The following HEPH variants were observed in gnomAD, a reference collection of about 807,000 sequenced individuals.
HEPH encodes the protein hephaestin.
In HEPH, 69 loss-of-function variants were observed where a neutral mutation model predicts 80.8. That is an observed-to-expected ratio of 0.85 (90% CI 0.70 to 1.04). The LOEUF is 1.04. HEPH is among the 50% of genes least tolerant of loss of function. The pLI, the probability that HEPH is intolerant of heterozygous loss-of-function variation, is 0.00. For synonymous variants in HEPH, 431 were observed against 322.8 expected, an observed-to-expected ratio of 1.34 and a Z score of -3.60; for missense variants, 1,115 against 891.3, an observed-to-expected ratio of 1.25 and a Z score of -3.20.
intron 15 of HEPH, among the ~76,000 whole-genome samples, chrX:66,220,773 G>A (rs931106201): frequency 1.8e-5 from 2 of 110,756 alleles, no homozygotes; most frequent in African/African-American, 6.6e-5. Flanking sequence ...TCATTTATGA[G>A]CCCCCACCAG....
chrX:66,168,479 C>T (rs1164755955), intron 1 of HEPH, among the ~76,000 whole-genome samples: 1 of 111,652 alleles, frequency 9.0e-6, no homozygotes, highest in Admixed American at 9.5e-5. Flanking sequence ...CAAGGCTACA[C>T]AGCTGGTCAG....
At chrX:66,237,756 A>G (rs1469543464) in intron 15 of HEPH, among the ~76,000 whole-genome samples, 1 of 112,163 alleles carries the variant, frequency 8.9e-6, no homozygotes, top group Non-Finnish European at 1.9e-5. Context: ...TGGGAGTCTA[A>G]AAGTATCTTT....
chrX:66,244,609 T>G (rs1323380146), intron 15 of HEPH, among the ~76,000 whole-genome samples: 1 of 111,830 alleles, frequency 8.9e-6, no homozygotes, highest in Admixed American at 9.6e-5. Flanking sequence ...TTCTCCTGAA[T>G]GTTGATCTTC....
At chrX:66,165,317 C>A (rs895436394) in intron 1 of HEPH, among the ~76,000 whole-genome samples, 4 of 111,697 alleles carry the variant, frequency 3.6e-5, no homozygotes, top group African/African-American at 1.3e-4. Flanking sequence ...GAATCAAGGT[C>A]TTTAACTTCA....
chrX:66,170,753 TGTG>T lies in HEPH; in HGVS notation c.167+19_167+21del. 8.4e-7 allele frequency: 1 copy of T among 1,194,952 alleles called. No homozygotes were observed. Among genetic ancestry groups the T allele is most frequent in the Non-Finnish European group, 1.1e-6 (1 of 883,747 alleles). ...ACAGTGACATGTAGGTTTAATTTCT[TGTG>T]GTATTTGAGGGGAAGTTATGGGAGC... On this transcript the variant is annotated intron_variant, in intron 2 of 20. Coordinates refer to ENST00000343002, the MANE Select transcript of HEPH (RefSeq NM_001367233.3).
chrX:66,228,257 G>T (rs1000381270), intron 15 of HEPH, among the ~76,000 whole-genome samples: 5 of 112,173 alleles, frequency 4.5e-5, no homozygotes, highest in African/African-American at 1.6e-4. Flanking sequence ...AGGAAAGCAC[G>T]CCCATGATTC....
intron 16 of HEPH, among the ~76,000 whole-genome samples, chrX:66,255,368 C>T (rs1391175750): frequency 1.1e-5 from 1 of 94,736 alleles, no homozygotes; most frequent in Non-Finnish European, 2.1e-5. Context: ...ATTTTGGATC[C>T]TATAAAGCAA....
At chrX:66,175,668 C>T (rs1422572704) in intron 4 of HEPH, among the ~76,000 whole-genome samples, 1 of 111,582 alleles carries the variant, frequency 9.0e-6, no homozygotes, top group Non-Finnish European at 1.9e-5. Flanking sequence ...TTGTTTGTGT[C>T]ATCCATGATT....
Position 66,255,022 on chromosome X carries a change from G to C in HEPH, c.2564-13G>C, listed in dbSNP as rs751015705. 14 of 1,161,128 alleles carry C rather than the reference G, an allele frequency of 1.2e-5. No homozygotes were observed. The highest frequency in any genetic ancestry group is 1.6e-5 in the Non-Finnish European group (14 of 858,570). On this transcript the variant is annotated splice_polypyrimidine_tract_variant and intron_variant, in intron 15 of 20. Transcript: ENST00000343002. ...GACCCGGTGCAACTGGAGGTTCCTT[G>C]TTACACTTCTAGGTGAGGTGGTCAC...
rs1379477989 is a variant in HEPH at position 66,203,592 on chromosome X, A to G, written c.2291+15A>G. The G allele has an allele frequency of 1.7e-6, 2 of 1,183,983 alleles. No individual in the cohort carries two copies. Among genetic ancestry groups the G allele is most frequent in the Non-Finnish European group, 1.1e-6 (1 of 872,187 alleles). On this transcript the variant is annotated intron_variant, in intron 13 of 20. Transcript: ENST00000343002. ...GAGAAGGACAGGTAAGGCTTCATAA[A>G]TGGAGAGATTACACTTTTAGAAAAA...
chrX:66,239,775 G>A (rs2090499106), intron 15 of HEPH, among the ~76,000 whole-genome samples: 1 of 111,767 alleles, frequency 8.9e-6, no homozygotes, highest in Admixed American at 9.5e-5. Context: ...CTCTCATAAT[G>A]TAGTGTTTTT....
rs756462067 is a variant in HEPH, at chrX:66,262,449, G to T, written c.3200-1195G>T. ...GTCATCTGCTGAGAATGAAAGGCAG[G>T]TTATAGGGTACAGGGCTTGAGAAAA... On this transcript the variant is annotated intron_variant, in intron 19 of 20. Transcript: ENST00000343002. 1.8e-3 allele frequency among the ~76,000 whole-genome samples: 203 copies of T among 111,831 alleles called. 2 individuals carry two copies. The highest frequency in any genetic ancestry group is 6.5e-3 in the African/African-American group (200 of 30,814).
chrX:66,225,577 C>G (rs1160382053), intron 15 of HEPH, among the ~76,000 whole-genome samples: 2 of 112,797 alleles, frequency 1.8e-5, no homozygotes, highest in Non-Finnish European at 3.8e-5. Context: ...GTCTTACCAA[C>G]TTTCAGATGT....
intron 10 of HEPH, 54 bp from the exon 11 acceptor site, chrX:66,198,824 A>G: frequency 1.0e-6 from 1 of 952,746 alleles, no homozygotes. Context: ...CACAGTCTAC[A>G]ACTGCTGAAA....
chrX:66,163,252 G>T (rs953113569), upstream of HEPH, among the ~76,000 whole-genome samples: 4 of 111,371 alleles, frequency 3.6e-5, no homozygotes, highest in African/African-American at 1.3e-4. Context: ...TTGGTCACTT[G>T]ACTCAGGACA....
At chrX:66,218,200 A>T (rs2089480837) in intron 15 of HEPH, among the ~76,000 whole-genome samples, 1 of 112,121 alleles carries the variant, frequency 8.9e-6, no homozygotes, top group Non-Finnish European at 1.9e-5. Flanking sequence ...ATATTTACAG[A>T]ACATTTTACC....
intron 15 of HEPH, among the ~76,000 whole-genome samples, chrX:66,225,350 G>C (rs1227720245): frequency 9.0e-6 from 1 of 111,211 alleles, no homozygotes; most frequent in Admixed American, 9.5e-5. Context: ...ACAAAGAATG[G>C]GTAAAAAGGG....
At chrX:66,252,958 A>G (rs780727683) in intron 15 of HEPH, among the ~76,000 whole-genome samples, 21 of 112,470 alleles carry the variant, frequency 1.9e-4, no homozygotes, top group Non-Finnish European at 3.6e-4. Flanking sequence ...TCAACTCAAA[A>G]TGGGTCAAAG....
At chrX:66,213,824 G>A (rs1010545962) in intron 15 of HEPH, among the ~76,000 whole-genome samples, 2 of 112,155 alleles carry the variant, frequency 1.8e-5, no homozygotes, top group African/African-American at 6.5e-5. Flanking sequence ...GCAGACCCAA[G>A]CTTCTGCCTT....
Sources: allele counts gnomAD v4.1 joint callset (sites outside exome capture counted in the v4.1 genomes callset), GRCh38; gene constraint gnomAD v4.1.1; transcripts MANE v1.5; gene names NCBI Gene and HGNC (gene_info 2026-07-23, HGNC 2026-07-21).